The following MGA variants were observed in gnomAD, a reference collection of about 807,000 sequenced individuals.
The protein encoded by MGA is MAX dimerization protein MGA.
MGA carries 40 observed loss-of-function variants against 261.1 expected under a neutral mutation model. That is an observed-to-expected ratio of 0.15 (90% CI 0.12 to 0.20). The LOEUF is 0.20. MGA is among the 10% of genes least tolerant of loss of function. The pLI is 1.00. For missense variants in MGA, 3,397 were observed against 3,630.5 expected (o/e 0.94, Z 1.65); for synonymous variants, 1,302 against 1,290.6 (o/e 1.01, Z -0.19).
chr15:41,713,629 C>A, intron 9 of MGA, 133 bp downstream of exon 9: 2 of 1,097,264 alleles, frequency 1.8e-6, no homozygotes, highest in Non-Finnish European at 2.5e-6. Flanking sequence ...ATTATCCTTA[C>A]ATGCTCTTTC....
At chr15:41,639,337 G>T (rs2056775704) in intron 1 of MGA, among the ~76,000 whole-genome samples, 1 of 151,886 alleles carries the variant, frequency 6.6e-6, no homozygotes, top group African/African-American at 2.4e-5. Flanking sequence ...TTTCCATTCA[G>T]TTGAGAGGGA....
rs183733193 is a variant in MGA, at chr15:41,741,164, T to C, written c.4585+961T>C. Among the ~76,000 whole-genome samples the C allele has an allele frequency of 5.3e-3, 812 of 152,124 alleles. 5 individuals carry two copies. Among genetic ancestry groups the C allele is most frequent in the Non-Finnish European group, 9.7e-3 (657 of 67,964 alleles). Reference sequence around the variant, plus strand: ...GAGATAGAGACCATCCTGGCCAACATGGTGAAACCCCATCTCTACTAAAAA... The same window carrying C: ...GAGATAGAGACCATCCTGGCCAACACGGTGAAACCCCATCTCTACTAAAAA... On this transcript the variant is annotated intron_variant, in intron 14 of 23. Coordinates refer to ENST00000219905, the MANE Select transcript of MGA (RefSeq NM_001164273.2).
intron 5 of MGA, 99 bp from the exon 6 acceptor site, chr15:41,707,629 A>AC (rs564479133): frequency 1.3e-4 from 149 of 1,138,234 alleles, no homozygotes; most frequent in Middle Eastern, 6.9e-4. Context: ...TCTCGACCTT[A>AC]CCCCCCCGCC....
chr15:41,648,584 T>C (rs1317676391), intron 1 of MGA, among the ~76,000 whole-genome samples: 1 of 152,140 alleles, frequency 6.6e-6, no homozygotes, highest in African/African-American at 2.4e-5. Context: ...GATGTATAGG[T>C]GTTACCCAGG....
chr15:41,700,364 G>A (rs1024143311), intron 5 of MGA, among the ~76,000 whole-genome samples: 1 of 152,014 alleles, frequency 6.6e-6, no homozygotes, highest in Admixed American at 6.6e-5. Context: ...TAGGTTTTAA[G>A]CCCTGCATGC....
At chr15:41,754,688 C>G in intron 18 of MGA, 121 bp downstream of exon 18, 2 of 1,189,490 alleles carry the variant, frequency 1.7e-6, no homozygotes, top group Non-Finnish European at 2.3e-6. Flanking sequence ...AGCTTTTTTT[C>G]TGATTAGTAT....
rs541674661 is a variant in MGA at position 41,731,449 on chromosome 15, CAGTG to C, written c.3843+2103_3843+2106del. On this transcript the variant is annotated intron_variant, in intron 11 of 23. Transcript: ENST00000219905. ...TCATAAAAACTCTTTAAAATAAACT[CAGTG>C]AGGTAGAAGGAAAGACAGAAAAAGC... Among the ~76,000 whole-genome samples, 144 of 152,020 alleles carry C rather than the reference CAGTG, an allele frequency of 9.5e-4. 2 individuals carry two copies. In the South Asian group the frequency reaches 0.029, roughly 30 times the overall value.
Position 41,669,622 on chromosome 15 carries a change from A to T in MGA, c.728A>T (p.Gln243Leu). ...GCAGTAACAGCTTATCAGAACATTC[A>T]GATTACTCAGCTGAAAATAGATTAC... The change falls in exon 2 of 24, where the codon CAG becomes CTG. Residue 243 changes from glutamine (Q) to leucine (L), a missense_variant. Coordinates refer to ENST00000219905, the MANE Select transcript of MGA (RefSeq NM_001164273.2). The T allele has an allele frequency of 6.2e-7, 1 of 1,613,942 alleles. No homozygotes were observed. Among genetic ancestry groups the T allele is most frequent in the Non-Finnish European group, 8.5e-7 (1 of 1,179,842 alleles).
chr15:41,641,175 T>C (rs2056812549), intron 1 of MGA, among the ~76,000 whole-genome samples: 1 of 152,224 alleles, frequency 6.6e-6, no homozygotes, highest in Admixed American at 6.5e-5. Flanking sequence ...TAATTCATTT[T>C]TATGGCTGAA....
intron 1 of MGA, among the ~76,000 whole-genome samples, chr15:41,664,409 T>G (rs1393335230): frequency 6.6e-6 from 1 of 152,230 alleles, no homozygotes; most frequent in Non-Finnish European, 1.5e-5. Flanking sequence ...AGACAGTAAT[T>G]TTTAAAGAAT....
upstream of MGA, among the ~76,000 whole-genome samples, chr15:41,660,180 G>T (rs893296580): frequency 1.3e-5 from 2 of 152,174 alleles, no homozygotes; most frequent in Non-Finnish European, 2.9e-5. Context: ...CTCCTGCCTC[G>T]CCTTTCTTGG....
At chr15:41,719,414 A>G (rs1313224329) in intron 9 of MGA, among the ~76,000 whole-genome samples, 2 of 152,186 alleles carry the variant, frequency 1.3e-5, no homozygotes, top group East Asian at 1.9e-4. Context: ...TATGAAAAAC[A>G]GAGGACTTAG....
At chr15:41,677,338 C>T (rs764184836) in intron 2 of MGA, among the ~76,000 whole-genome samples, 1 of 152,102 alleles carries the variant, frequency 6.6e-6, no homozygotes, top group Non-Finnish European at 1.5e-5. Context: ...GGTGGGGTTT[C>T]GCCATGTTGG....
At position 41,699,087 on chromosome 15, in the gene MGA, T is replaced by C. The variant is rs1382379484; in HGVS notation, c.2116T>C (p.Leu706=). 6.2e-7 allele frequency: 1 copy of C among 1,612,082 alleles called. No homozygotes were observed. Among genetic ancestry groups the C allele is most frequent in the Admixed American group, 1.7e-5 (1 of 59,766 alleles). ...AGGTTACAGAGCAAGAATTTCCCAG[T>C]TGGAAAAGGAATTGATAGAAGATTT... Residue 706 remains leucine, a synonymous_variant, in exon 5 of 24, where the codon TTG becomes CTG. Coordinates refer to ENST00000219905, the MANE Select transcript of MGA (RefSeq NM_001164273.2).
chr15:41,628,673 G>C (rs868515889), intron 1 of MGA, among the ~76,000 whole-genome samples: 8 of 152,188 alleles, frequency 5.3e-5, no homozygotes, highest in Non-Finnish European at 7.3e-5. Flanking sequence ...TGGTGGTGGT[G>C]CATGCTAGTA....
At chr15:41,686,957 G>A (rs1315770589) in intron 2 of MGA, among the ~76,000 whole-genome samples, 1 of 151,946 alleles carries the variant, frequency 6.6e-6, no homozygotes, top group Admixed American at 6.6e-5. Flanking sequence ...TTAGCAGTAG[G>A]GTTATGGTTA....
intron 2 of MGA, among the ~76,000 whole-genome samples, chr15:41,679,116 A>G (rs922752965): frequency 2.0e-5 from 3 of 146,712 alleles, no homozygotes; most frequent in Admixed American, 2.0e-4. Context: ...GCTCGCTGCA[A>G]CCTCCGCCTC....
At position 41,693,119 on chromosome 15, in the gene MGA, C is replaced by T. The variant is rs549770182; in HGVS notation, c.1065-2956C>T. On this transcript the variant is annotated intron_variant, in intron 2 of 23. Coordinates refer to ENST00000219905, the MANE Select transcript of MGA (RefSeq NM_001164273.2). ...CCTCCCAAAGTGTTAGGATTACAGG[C>T]ACGAGCCACCACACCCGGCTTCTAT... Among the ~76,000 whole-genome samples the T allele has an allele frequency of 2.0e-5, 3 of 152,246 alleles. No individual in the cohort carries two copies. In the East Asian group the frequency reaches 5.8e-4, roughly 29 times the overall value.
At chr15:41,704,589 C>T (rs1282042745) in intron 5 of MGA, among the ~76,000 whole-genome samples, 1 of 152,018 alleles carries the variant, frequency 6.6e-6, no homozygotes, top group Non-Finnish European at 1.5e-5. Flanking sequence ...ACCTGGGAGG[C>T]GGAGCTTGCA....
Sources: gnomAD v4.1 joint callset for allele counts (sites outside exome capture counted in the v4.1 genomes callset) on GRCh38, gnomAD v4.1.1 for gene constraint, MANE v1.5 for transcripts, NCBI Gene and HGNC (gene_info 2026-07-23, HGNC 2026-07-21) for gene names.